The following AKT3 variants were observed in gnomAD, a reference collection of about 807,000 sequenced individuals.
AKT3 encodes the protein AKT serine/threonine kinase 3.
In AKT3, 15 loss-of-function variants were observed where a neutral mutation model predicts 65.3. The ratio of observed to expected loss-of-function variants is 0.23; its 90% CI spans 0.15 to 0.35. The LOEUF is 0.35. Ranked by LOEUF, AKT3 falls within the 10% of genes least tolerant of loss-of-function variation. The pLI is 1.00. For missense variants in AKT3, 243 were observed against 576.5 expected, an observed-to-expected ratio of 0.42 and a Z score of 5.92; for synonymous variants, 206 against 183.8, an observed-to-expected ratio of 1.12 and a Z score of -0.98.
At chr1:243,662,829 T>C (rs562373881) in intron 4 of AKT3, among the ~76,000 whole-genome samples, 67 of 152,356 alleles carry the variant, frequency 4.4e-4, no homozygotes, top group African/African-American at 1.5e-3. Flanking sequence ...GTATGCTGTT[T>C]TTCATTTGTA....
intron 2 of AKT3, among the ~76,000 whole-genome samples, chr1:243,699,350 A>G (rs532134765): frequency 6.6e-6 from 1 of 151,212 alleles, no homozygotes; most frequent in Non-Finnish European, 1.5e-5. Flanking sequence ...TCCCAAAGAG[A>G]TTGTTCAATG....
chr1:243,495,224 G>A (rs1040981595), downstream of AKT3, among the ~76,000 whole-genome samples: 3 of 152,214 alleles, frequency 2.0e-5, no homozygotes, highest in African/African-American at 4.8e-5. Context: ...ATGTGTGCTG[G>A]GGCCTCCCTG....
rs74151218 is a variant in AKT3, at chr1:243,792,089, T to C, written c.46+51036A>G. Reference sequence around the variant, plus strand: ...GTCAAGGACAGTCTGACTTCTTAGTTCTGCCAGCAGTTTTTTAAAGCTGCT... The same window carrying C: ...GTCAAGGACAGTCTGACTTCTTAGTCCTGCCAGCAGTTTTTTAAAGCTGCT... On this transcript the variant is annotated intron_variant, in intron 2 of 13. Coordinates refer to ENST00000673466, the MANE Select transcript of AKT3 (RefSeq NM_005465.7). Among the ~76,000 whole-genome samples, 931 of 152,294 alleles carry C rather than the reference T, an allele frequency of 6.1e-3. 9 individuals are homozygous for C. The highest frequency in any genetic ancestry group is 0.021 in the African/African-American group (889 of 41,552).
rs968133555 is a variant in AKT3, at chr1:243,755,140, C to T, written c.47-59424G>A. Among the ~76,000 whole-genome samples, 3 of 152,120 alleles carry T rather than the reference C, an allele frequency of 2.0e-5. No homozygotes were observed. The East Asian group carries it at 5.8e-4, about 29-fold the overall frequency. On this transcript the variant is annotated intron_variant, in intron 2 of 13. Coordinates refer to ENST00000673466, the MANE Select transcript of AKT3 (RefSeq NM_005465.7). ...CTGGAGTGCAGTGGCACAATCTTGGCTCACTGCCACCTCCGCCTCCTGGGT... is the reference window on the plus strand; with the variant it reads ...CTGGAGTGCAGTGGCACAATCTTGGTTCACTGCCACCTCCGCCTCCTGGGT...
chr1:243,594,770 G>C (rs1676478889), intron 8 of AKT3, among the ~76,000 whole-genome samples: 1 of 152,112 alleles, frequency 6.6e-6, no homozygotes, highest in South Asian at 2.1e-4. Context: ...TGTAGAGACA[G>C]GGTCCTGCTG....
intron 2 of AKT3, chr1:243,814,879 G>C (rs1301085464): frequency 2.6e-5 from 4 of 152,240 alleles, no homozygotes; most frequent in Non-Finnish European, 5.9e-5. Flanking sequence ...AGGACAATTA[G>C]GAGGTGTGTG....
In AKT3 at chr1:243,505,004, C is replaced by A; in HGVS notation, c.*245G>T. The A allele has an allele frequency of 2.1e-6, 1 of 480,890 alleles. No individual in the cohort carries two copies. Among genetic ancestry groups the A allele is most frequent in the East Asian group, 3.2e-5 (1 of 31,018 alleles). 29.8% of individuals were successfully genotyped at this position (480,890 alleles called of 1,614,324 possible). On this transcript the variant is annotated 3_prime_UTR_variant, in exon 14 of 14. Coordinates refer to ENST00000673466, the MANE Select transcript of AKT3 (RefSeq NM_005465.7). ...TCTTAAAGTTGCTATAATAGTAAGACAGTAGCAGCAACAGCATGAGACCTT... is the reference window on the plus strand; with the variant it reads ...TCTTAAAGTTGCTATAATAGTAAGAAAGTAGCAGCAACAGCATGAGACCTT...
downstream of AKT3, among the ~76,000 whole-genome samples, chr1:243,496,732 G>A (rs1471694348): frequency 6.6e-6 from 1 of 152,262 alleles, no homozygotes. Context: ...CCACAGTGTG[G>A]TTGCCTGGGG....
intron 2 of AKT3, among the ~76,000 whole-genome samples, chr1:243,836,382 A>G (rs1694889096): frequency 2.0e-5 from 3 of 152,060 alleles, no homozygotes; most frequent in Admixed American, 2.0e-4. Context: ...TTCAAAATAT[A>G]TAAAATTAAA....
intron 2 of AKT3, chr1:243,740,687 C>T (rs1392144785): frequency 2.0e-5 from 3 of 152,226 alleles, no homozygotes; most frequent in Non-Finnish European, 4.4e-5. Flanking sequence ...GATCCCTGCT[C>T]TATGGCACTG....
intron 12 of AKT3, among the ~76,000 whole-genome samples, chr1:243,525,159 G>A (rs1345742178): frequency 6.6e-6 from 1 of 152,128 alleles, no homozygotes; most frequent in African/African-American, 2.4e-5. Flanking sequence ...GCACAGGGCA[G>A]GCTCCAAGCC....
chr1:243,647,637 A>G (rs1572095164), intron 4 of AKT3, among the ~76,000 whole-genome samples: 2 of 152,216 alleles, frequency 1.3e-5, no homozygotes, highest in East Asian at 3.8e-4. Context: ...AAATTCATTT[A>G]TTAGTTCCAG....
intron 2 of AKT3, chr1:243,735,784 A>G (rs1687807869): frequency 6.6e-6 from 1 of 152,222 alleles, no homozygotes; most frequent in South Asian, 2.1e-4. Flanking sequence ...TGATGGGTCA[A>G]ACTGTAGAGG....
At chr1:243,613,855 ATTGT>A (rs1305819413) in intron 7 of AKT3, 116 bp from the exon 8 acceptor site, 21 of 599,238 alleles carry the variant, frequency 3.5e-5, no homozygotes, top group African/African-American at 1.7e-4. Context: ...AAGAATTGTT[ATTGT>A]TTAAGAGTTT....
intron 2 of AKT3, among the ~76,000 whole-genome samples, chr1:243,779,282 A>T (rs1690758128): frequency 6.6e-6 from 1 of 152,108 alleles, no homozygotes; most frequent in Non-Finnish European, 1.5e-5. Context: ...ATACATTTGT[A>T]AGTTTGATAT....
At chr1:243,747,855 C>T (rs913694510) in intron 2 of AKT3, among the ~76,000 whole-genome samples, 3 of 152,078 alleles carry the variant, frequency 2.0e-5, no homozygotes, top group Non-Finnish European at 4.4e-5. Context: ...TTACTTAACA[C>T]CATAATGAAT....
intron 8 of AKT3, among the ~76,000 whole-genome samples, chr1:243,589,306 C>CAAAAAAAAAAAAAAA (rs758254217): frequency 7.3e-5 from 3 of 40,878 alleles, no homozygotes; most frequent in Non-Finnish European, 9.9e-5. Flanking sequence ...AACTCCATCT[C>CAAAAAAAAAAAAAAA]AAAAAAAAAA....
At chr1:243,508,170 C>T (rs1025284707) in intron 13 of AKT3, among the ~76,000 whole-genome samples, 2 of 152,174 alleles carry the variant, frequency 1.3e-5, no homozygotes, top group Non-Finnish European at 2.9e-5. Flanking sequence ...AATGTAATCA[C>T]CGTTCAAGGT....
At chr1:243,621,978 C>T (rs1678786081) in intron 6 of AKT3, among the ~76,000 whole-genome samples, 1 of 152,218 alleles carries the variant, frequency 6.6e-6, no homozygotes, top group South Asian at 2.1e-4. Flanking sequence ...AAACTATCTG[C>T]TTCCAATCCA....
Sources: allele counts gnomAD v4.1 joint callset (sites outside exome capture counted in the v4.1 genomes callset), GRCh38; gene constraint gnomAD v4.1.1; transcripts MANE v1.5; gene names NCBI Gene and HGNC (gene_info 2026-07-23, HGNC 2026-07-21).